The following GLRB variants were observed in gnomAD, a reference collection of about 807,000 sequenced individuals.
GLRB encodes the protein glycine receptor beta.
Under a neutral mutation model 54.2 loss-of-function variants are expected in GLRB, and 33 were observed. The ratio of observed to expected loss-of-function variants is 0.61; its 90% confidence interval spans 0.46 to 0.81. The LOEUF (loss-of-function observed/expected upper bound fraction) is 0.81. Ranked by LOEUF, GLRB falls within the 40% of genes least tolerant of loss-of-function variation. GLRB has a pLI of 0.00. For synonymous variants in GLRB, 209 were observed against 208.2 expected, an observed-to-expected ratio of 1.00 and a Z score of -0.03; for missense variants, 572 against 584.6, an observed-to-expected ratio of 0.98 and a Z score of 0.22.
At chr4:157,141,198 T>G (rs904596715) in intron 7 of GLRB, among the ~76,000 whole-genome samples, 4 of 151,940 alleles carry the variant, frequency 2.6e-5, no homozygotes, top group African/African-American at 9.7e-5. Flanking sequence ...TTCACTGAAA[T>G]CTCATTAGCT....
chr4:157,158,636 G>C (rs938419173), intron 9 of GLRB, among the ~76,000 whole-genome samples: 6 of 152,074 alleles, frequency 3.9e-5, no homozygotes, highest in Non-Finnish European at 7.4e-5. Flanking sequence ...AAGATCAGAT[G>C]GTTGTAGATG....
At chr4:157,084,599 A>G (rs1734340185) in intron 2 of GLRB, 2 of 455,994 alleles carry the variant, frequency 4.4e-6, no homozygotes, top group Admixed American at 4.7e-5. Context: ...TTTTTCATAA[A>G]CTAAAAATTG....
chr4:157,082,851 G>T (rs1734271375), intron 2 of GLRB, among the ~76,000 whole-genome samples: 1 of 151,884 alleles, frequency 6.6e-6, no homozygotes, highest in African/African-American at 2.4e-5. Flanking sequence ...AGAATAAATT[G>T]CACTTTGGTC....
At chr4:157,168,832 C>T (rs903589612) in intron 9 of GLRB, among the ~76,000 whole-genome samples, 3 of 152,098 alleles carry the variant, frequency 2.0e-5, no homozygotes, top group African/African-American at 4.8e-5. Flanking sequence ...AGAAATATAA[C>T]ATCAATATAT....
intron 2 of GLRB, 33 bp from the exon 3 acceptor site, chr4:157,120,523 A>C (rs753652781): frequency 2.1e-4 from 240 of 1,153,176 alleles, no homozygotes; most frequent in Non-Finnish European, 2.7e-4. Flanking sequence ...TGCTATTTAT[A>C]ACTACTTATC....
At chr4:157,124,270 T>G (rs941267857) in intron 4 of GLRB, among the ~76,000 whole-genome samples, 3 of 151,746 alleles carry the variant, frequency 2.0e-5, no homozygotes, top group African/African-American at 7.2e-5. Context: ...TTATTCTTGA[T>G]CTTCTTCTCT....
chr4:157,093,782 A>G (rs1221741933), intron 2 of GLRB, among the ~76,000 whole-genome samples: 2 of 149,592 alleles, frequency 1.3e-5, no homozygotes, highest in Admixed American at 6.7e-5. Flanking sequence ...AAAAAAATAC[A>G]TGGTTCCCCT....
At chr4:157,129,104 A>C (rs2126549239) in intron 4 of GLRB, among the ~76,000 whole-genome samples, 1 of 151,964 alleles carries the variant, frequency 6.6e-6, no homozygotes, top group Middle Eastern at 3.4e-3. Flanking sequence ...GCCTTGAAGA[A>C]ATGGTTTAAT....
chr4:157,140,009 G>A (rs1295096168), intron 7 of GLRB, among the ~76,000 whole-genome samples: 1 of 151,896 alleles, frequency 6.6e-6, no homozygotes, highest in Non-Finnish European at 1.5e-5. Flanking sequence ...ACAATGCTGT[G>A]ATAAAGACAA....
At chr4:157,153,935 C>T (rs926742633) in intron 9 of GLRB, among the ~76,000 whole-genome samples, 2 of 152,190 alleles carry the variant, frequency 1.3e-5, no homozygotes, top group African/African-American at 4.8e-5. Context: ...GACTAGTATA[C>T]CGCATGCGGT....
chr4:157,124,807 A>G (rs1432926255), intron 4 of GLRB, among the ~76,000 whole-genome samples: 1 of 151,864 alleles, frequency 6.6e-6, no homozygotes, highest in East Asian at 1.9e-4. Flanking sequence ...ATTGACCGAC[A>G]TGCCTAAATG....
At chr4:157,088,042 A>G (rs1002048110) in intron 2 of GLRB, among the ~76,000 whole-genome samples, 1 of 152,160 alleles carries the variant, frequency 6.6e-6, no homozygotes, top group Non-Finnish European at 1.5e-5. Context: ...TGATGTAAAT[A>G]TGAAATAATA....
intron 2 of GLRB, among the ~76,000 whole-genome samples, chr4:157,103,469 A>G (rs192054966): frequency 1.2e-3 from 185 of 152,362 alleles, no homozygotes; most frequent in African/African-American, 4.4e-3. Context: ...CTTCAAGCAT[A>G]GTTCTACATT....
At chr4:157,168,781 A>G (rs1196298361) in intron 9 of GLRB, among the ~76,000 whole-genome samples, 3 of 152,192 alleles carry the variant, frequency 2.0e-5, no homozygotes, top group African/African-American at 4.8e-5. Context: ...TATATGGCAT[A>G]AAGTATATAA....
At chr4:157,092,066 A>G (rs1378231402) in intron 2 of GLRB, among the ~76,000 whole-genome samples, 1 of 118,740 alleles carries the variant, frequency 8.4e-6, no homozygotes, top group African/African-American at 5.0e-5. Context: ...TTTGTGTTCT[A>G]GCTGACTGTT....
chr4:157,143,768 G>T, intron 7 of GLRB, 39 bp from the exon 8 acceptor site: 1 of 1,594,304 alleles, frequency 6.3e-7, no homozygotes, highest in African/African-American at 1.3e-5. Flanking sequence ...TTCTGTGTGG[G>T]TGAAAACCTC....
chr4:157,161,276 CTT>C (rs1253658532), intron 9 of GLRB, among the ~76,000 whole-genome samples: 1 of 152,184 alleles, frequency 6.6e-6, no homozygotes, highest in Non-Finnish European at 1.5e-5. Flanking sequence ...GGTCTTGACT[CTT>C]TATCCAATTT....
intron 2 of GLRB, among the ~76,000 whole-genome samples, chr4:157,081,318 AC>A (rs758081821): frequency 3.1e-4 from 47 of 152,218 alleles, no homozygotes; most frequent in Non-Finnish European, 5.6e-4. Context: ...GGTTGTAGTT[AC>A]CATCTACTCA....
chr4:157,169,876 CT>C (rs1737851947), intron 9 of GLRB, among the ~76,000 whole-genome samples: 1 of 152,054 alleles, frequency 6.6e-6, no homozygotes, highest in East Asian at 1.9e-4. Flanking sequence ...ATGCCTATCA[CT>C]AGTAAACGTT....
Sources: gnomAD v4.1 joint callset for allele counts (sites outside exome capture counted in the v4.1 genomes callset) on GRCh38, gnomAD v4.1.1 for gene constraint, MANE v1.5 for transcripts, NCBI Gene and HGNC (gene_info 2026-07-23, HGNC 2026-07-21) for gene names.